GSK3B: variants seen among roughly 807,000 people sequenced by gnomAD.
The protein encoded by GSK3B is glycogen synthase kinase 3 beta, also known as glycogen synthase kinase-3 beta.
A neutral mutation model predicts 56.4 loss-of-function variants in GSK3B; 15 were observed. That is an observed-to-expected ratio of 0.27 (90% CI 0.18 to 0.41). GSK3B has a LOEUF of 0.41. GSK3B is among the 10% of genes least tolerant of loss of function. The pLI is 1.00. For synonymous variants in GSK3B, 181 were observed against 188.9 expected (o/e 0.96, Z 0.34); for missense variants, 300 against 513.4 (o/e 0.58, Z 4.02).
intron 9 of GSK3B, among the ~76,000 whole-genome samples, chr3:119,856,886 A>G (rs942175504): frequency 6.6e-6 from 1 of 152,200 alleles, no homozygotes; most frequent in African/African-American, 2.4e-5. Context: ...GAATAACCTT[A>G]GAAGATACAG....
intron 1 of GSK3B, among the ~76,000 whole-genome samples, chr3:120,032,559 G>C (rs1025068073): frequency 6.6e-6 from 1 of 151,952 alleles, no homozygotes; most frequent in Non-Finnish European, 1.5e-5. Context: ...TGTTCCTGTA[G>C]TCCCAGCTAC....
In GSK3B at chr3:119,827,606, AAAAG is replaced by A. The variant is rs1416024879; in HGVS notation, c.1196-755_1196-752del. 2.0e-4 allele frequency among the ~76,000 whole-genome samples: 29 copies of A among 145,618 alleles called. 1 individual carries two copies. Among genetic ancestry groups the A allele is most frequent in the African/African-American group, 6.4e-4 (26 of 40,472 alleles). ...TCTTTAAAAAAAAAAAAAAAAAAAA[AAAAG>A]AGAGAGAGAGAGAAGAAAGAAAAGA... On this transcript the variant is annotated intron_variant, in intron 10 of 10. Transcript: ENST00000264235.
intron 1 of GSK3B, among the ~76,000 whole-genome samples, chr3:120,075,632 TGTTA>T (rs2058361761): frequency 6.6e-6 from 1 of 152,166 alleles, no homozygotes; most frequent in Non-Finnish European, 1.5e-5. Context: ...GCCCCATTTG[TGTTA>T]GTATCAACAA....
chr3:119,986,941 G>A (rs192449394), intron 2 of GSK3B, among the ~76,000 whole-genome samples: 82 of 152,298 alleles, frequency 5.4e-4, no homozygotes, highest in African/African-American at 1.7e-3. Context: ...GTCCATCAAT[G>A]ATAGACTGGA....
intron 2 of GSK3B, among the ~76,000 whole-genome samples, chr3:119,997,300 G>A (rs905904589): frequency 3.9e-5 from 6 of 152,074 alleles, no homozygotes; most frequent in Admixed American, 3.3e-4. Context: ...TTACATGGAG[G>A]AAGACTTGCA....
chr3:119,876,827 T>G (rs1576167789), intron 7 of GSK3B, among the ~76,000 whole-genome samples: 1 of 152,144 alleles, frequency 6.6e-6, no homozygotes, highest in Admixed American at 6.5e-5. Flanking sequence ...GAAATGTAAG[T>G]TTGGCTCCCT....
intron 4 of GSK3B, among the ~76,000 whole-genome samples, chr3:119,918,342 G>A (rs1180055936): frequency 6.6e-6 from 1 of 151,618 alleles, no homozygotes; most frequent in East Asian, 1.9e-4. Context: ...TCTTGGTGGT[G>A]CACGCCTGTA....
At chr3:119,933,024 G>A (rs750298066) in intron 3 of GSK3B, among the ~76,000 whole-genome samples, 10 of 152,132 alleles carry the variant, frequency 6.6e-5, no homozygotes, top group East Asian at 1.9e-4. Flanking sequence ...CTTGAACCCC[G>A]GAGGTGGAGG....
intron 7 of GSK3B, among the ~76,000 whole-genome samples, chr3:119,903,260 G>C (rs1051295995): frequency 2.6e-5 from 4 of 152,090 alleles, no homozygotes; most frequent in Non-Finnish European, 5.9e-5. Flanking sequence ...CTAGAAACCA[G>C]ATATCCCAAA....
chr3:120,068,504 C>T (rs1178932997), intron 1 of GSK3B, among the ~76,000 whole-genome samples: 2 of 151,814 alleles, frequency 1.3e-5, no homozygotes, highest in South Asian at 2.1e-4. Context: ...AGTTCAAGAC[C>T]CGCCTGGGCA....
At chr3:119,985,517 A>T (rs2107458582) in intron 2 of GSK3B, among the ~76,000 whole-genome samples, 1 of 152,336 alleles carries the variant, frequency 6.6e-6, no homozygotes. Context: ...TGCAAAAATC[A>T]CAAGCATTCC....
rs1019801143 is a variant in GSK3B, at chr3:119,824,353, GCA to G, written c.*2433_*2434del. On this transcript the variant is annotated 3_prime_UTR_variant, in exon 11 of 11. Coordinates refer to ENST00000264235, the MANE Select transcript of GSK3B (RefSeq NM_001146156.2). ...AGCACACACACACACACACACACAC[GCA>G]CACATGCACACACAATGAAATGAGA... The G allele has an allele frequency of 2.5e-5, 5 of 204,056 alleles. No homozygotes were observed. Among genetic ancestry groups the G allele is most frequent in the Middle Eastern group, 1.5e-3 (1 of 660 alleles). 12.6% of individuals were successfully genotyped at this position (204,056 alleles called of 1,614,324 possible).
At chr3:119,954,386 A>C (rs2057191846) in intron 2 of GSK3B, among the ~76,000 whole-genome samples, 1 of 150,674 alleles carries the variant, frequency 6.6e-6, no homozygotes. Context: ...ATAGAATATC[A>C]CTTTACATAC....
chr3:120,010,439 G>A (rs943652310), intron 1 of GSK3B, among the ~76,000 whole-genome samples: 4 of 152,050 alleles, frequency 2.6e-5, no homozygotes, highest in East Asian at 3.9e-4. Flanking sequence ...AAAATCCAAG[G>A]TATTGAATGC....
chr3:119,859,678 T>A (rs1406666768), intron 9 of GSK3B, among the ~76,000 whole-genome samples: 8 of 152,326 alleles, frequency 5.3e-5, no homozygotes, highest in African/African-American at 1.7e-4. Context: ...ATCTCAATCT[T>A]CCTTTTACTG....
chr3:119,877,165 A>C (rs2056323933), intron 7 of GSK3B, among the ~76,000 whole-genome samples: 1 of 152,172 alleles, frequency 6.6e-6, no homozygotes, highest in Non-Finnish European at 1.5e-5. Context: ...ATATTCAAGT[A>C]AAAATCAGAT....
chr3:119,878,999 A>C (rs1379492591), intron 7 of GSK3B, among the ~76,000 whole-genome samples: 1 of 152,212 alleles, frequency 6.6e-6, no homozygotes, highest in African/African-American at 2.4e-5. Flanking sequence ...GCGTATGGAA[A>C]AACTTATCAA....
At chr3:119,978,932 C>T (rs1364075422) in intron 2 of GSK3B, among the ~76,000 whole-genome samples, 5 of 152,294 alleles carry the variant, frequency 3.3e-5, no homozygotes, top group African/African-American at 4.8e-5. Flanking sequence ...AAGACGATTC[C>T]GGACTTCTGT....
intron 2 of GSK3B, 116 bp downstream of exon 2, chr3:120,001,930 A>T: frequency 1.6e-6 from 1 of 618,738 alleles, no homozygotes; most frequent in Non-Finnish European, 2.7e-6. Context: ...GTTGAGCTGA[A>T]CAAAAATGCG....
Sources: gnomAD v4.1 joint callset for allele counts (sites outside exome capture counted in the v4.1 genomes callset) on GRCh38, gnomAD v4.1.1 for gene constraint, MANE v1.5 for transcripts, NCBI Gene and HGNC (gene_info 2026-07-23, HGNC 2026-07-21) for gene names.